Variants in THRB observed in about 807,000 individuals in gnomAD.
THRB encodes the protein thyroid hormone receptor beta.
A neutral mutation model predicts 47.8 loss-of-function variants in THRB; 12 were observed. The observed-to-expected ratio is 0.25, with a 90% confidence interval of 0.16 to 0.41. The LOEUF (loss-of-function observed/expected upper bound fraction) is 0.41, where lower values mean the gene tolerates loss of function less well. THRB is among the 10% of genes least tolerant of loss of function. The pLI is 1.00. For synonymous variants in THRB, 218 were observed against 212.2 expected (o/e 1.03, Z -0.24); for missense variants, 348 against 589.2 (o/e 0.59, Z 4.24).
At chr3:24,156,073 AT>A (rs1230478544) in intron 5 of THRB, among the ~76,000 whole-genome samples, 1 of 152,174 alleles carries the variant, frequency 6.6e-6, no homozygotes, top group Non-Finnish European at 1.5e-5. Flanking sequence ...AGGACTTGAG[AT>A]TTTTTCAGTT....
chr3:24,394,786 AC>A (rs746741559), intron 1 of THRB, among the ~76,000 whole-genome samples: 5 of 151,976 alleles, frequency 3.3e-5, no homozygotes, highest in Non-Finnish European at 5.9e-5. Flanking sequence ...TCCTTTGAAA[AC>A]CTTTAATGCC....
intron 4 of THRB, among the ~76,000 whole-genome samples, chr3:24,197,265 A>C (rs2044060961): frequency 6.6e-6 from 1 of 152,240 alleles, no homozygotes; most frequent in South Asian, 2.1e-4. Context: ...TACCAATAGG[A>C]TTGTTCTCCC....
At chr3:24,314,372 G>C (rs933955201) in intron 2 of THRB, among the ~76,000 whole-genome samples, 1 of 152,156 alleles carries the variant, frequency 6.6e-6, no homozygotes, top group Non-Finnish European at 1.5e-5. Flanking sequence ...CTTAAATCAA[G>C]CCAAATCCTG....
intron 2 of THRB, among the ~76,000 whole-genome samples, chr3:24,328,771 T>A (rs904310707): frequency 6.6e-6 from 1 of 152,202 alleles, no homozygotes; most frequent in Non-Finnish European, 1.5e-5. Context: ...CCAACCTACC[T>A]GTCTTCCTTG....
Position 24,133,522 on chromosome 3 carries a change from T to C in THRB, c.739-60A>G, listed in dbSNP as rs2034181308. 4 of 1,507,492 alleles carry C rather than the reference T, an allele frequency of 2.7e-6. No individual in the cohort carries two copies. The Admixed American group carries it at 6.8e-5, about 25-fold the overall frequency. The allele number at this position is 1,507,492 out of a possible 1,614,324, so 93.4% of individuals were successfully genotyped here. On this transcript the variant is annotated intron_variant, in intron 8 of 10. Coordinates refer to ENST00000646209, the MANE Select transcript of THRB (RefSeq NM_001354712.2). ...AAGTTGAAGGGAGCTTTATTTATCA[T>C]AGTTCTTATGTGGCAGAAAATCTCT...
intron 1 of THRB, among the ~76,000 whole-genome samples, chr3:24,357,364 A>AAAAAAAAAAAC (rs1257125696): frequency 6.8e-6 from 1 of 147,250 alleles, no homozygotes; most frequent in Non-Finnish European, 1.5e-5. Context: ...AAAAAAAAAA[A>AAAAAAAAAAAC]AAAAAAAAAA....
chr3:24,463,485 C>T (rs570415963), intron 1 of THRB, among the ~76,000 whole-genome samples: 1 of 152,092 alleles, frequency 6.6e-6, no homozygotes, highest in Non-Finnish European at 1.5e-5. Flanking sequence ...GCCCAGGCAG[C>T]TCTTGAACTC....
chr3:24,397,901 C>G (rs1348678959), intron 1 of THRB, among the ~76,000 whole-genome samples: 1 of 151,986 alleles, frequency 6.6e-6, no homozygotes, highest in African/African-American at 2.4e-5. Flanking sequence ...GGAAACAGCC[C>G]ACATAACACA....
intron 3 of THRB, among the ~76,000 whole-genome samples, chr3:24,281,731 T>G (rs1318559752): frequency 8.8e-4 from 116 of 131,962 alleles, no homozygotes; most frequent in African/African-American, 3.1e-3. Context: ...AATAAAAGGA[T>G]GGAGGAAGAT....
chr3:24,478,199 T>G (rs115287763), intron 1 of THRB, among the ~76,000 whole-genome samples: 2,599 of 152,248 alleles, frequency 0.017, 66 homozygotes, highest in African/African-American at 0.058. Flanking sequence ...TTTTGTACTT[T>G]CAGTCTCCAG....
intron 3 of THRB, among the ~76,000 whole-genome samples, chr3:24,272,919 G>GAAAATT (rs1215156679): frequency 6.6e-6 from 1 of 152,026 alleles, no homozygotes; most frequent in African/African-American, 2.4e-5. Context: ...AAATAGCAAA[G>GAAAATT]AAAATTAAAT....
At chr3:24,318,222 AAT>A (rs1422443631) in intron 2 of THRB, 3 of 152,154 alleles carry the variant, frequency 2.0e-5, no homozygotes, top group Admixed American at 6.5e-5. Context: ...AATTCTGCAA[AAT>A]ATATTTCACT....
At chr3:24,442,627 C>G (rs1359745530) in intron 1 of THRB, among the ~76,000 whole-genome samples, 1 of 151,864 alleles carries the variant, frequency 6.6e-6, no homozygotes, top group Non-Finnish European at 1.5e-5. Context: ...GAGCTCGAGA[C>G]CAGCCTGACC....
intron 4 of THRB, among the ~76,000 whole-genome samples, chr3:24,205,433 T>C (rs2045211542): frequency 6.6e-6 from 1 of 152,176 alleles, no homozygotes; most frequent in Non-Finnish European, 1.5e-5. Flanking sequence ...TAAAATCCTT[T>C]ACAGAGAAGC....
At chr3:24,448,062 A>G (rs956921265) in intron 1 of THRB, among the ~76,000 whole-genome samples, 3 of 151,998 alleles carry the variant, frequency 2.0e-5, no homozygotes, top group African/African-American at 7.2e-5. Context: ...TTATTTCTTT[A>G]TAGTTCAAAC....
chr3:24,439,968 A>G (rs1490855683), intron 1 of THRB, among the ~76,000 whole-genome samples: 1 of 152,200 alleles, frequency 6.6e-6, no homozygotes, highest in Non-Finnish European at 1.5e-5. Flanking sequence ...AAGGAGGATT[A>G]TCCTTTTTGT....
rs898563916 is a variant in THRB at position 24,279,999 on chromosome 3, T to C, written c.-43+17227A>G. 3.3e-5 allele frequency among the ~76,000 whole-genome samples: 5 copies of C among 152,160 alleles called. No homozygotes were observed. The South Asian group carries it at 6.2e-4, about 19-fold the overall frequency. The stretch of plus-strand genomic sequence containing the variant: ...GAAGGGGTCCATAGACTTCACCAGA[T>C]AGTTAATAGGGTCCAGCGCACAAAA... On this transcript the variant is annotated intron_variant, in intron 3 of 10. Transcript: ENST00000646209.
chr3:24,395,736 T>C (rs1395251971), intron 1 of THRB, among the ~76,000 whole-genome samples: 2 of 152,116 alleles, frequency 1.3e-5, no homozygotes, highest in African/African-American at 4.8e-5. Context: ...AAAGCTACCA[T>C]ATGATCCAGC....
At chr3:24,145,161 G>C (rs1237217251) in intron 7 of THRB, among the ~76,000 whole-genome samples, 1 of 151,676 alleles carries the variant, frequency 6.6e-6, no homozygotes, top group Non-Finnish European at 1.5e-5. Context: ...CGGTGTGCCA[G>C]GGACTGTTGT....
Sources: gnomAD v4.1 joint callset for allele counts (sites outside exome capture counted in the v4.1 genomes callset) on GRCh38, gnomAD v4.1.1 for gene constraint, MANE v1.5 for transcripts, NCBI Gene and HGNC (gene_info 2026-07-23, HGNC 2026-07-21) for gene names.